The following APTX variants were observed in gnomAD, a reference collection of about 807,000 sequenced individuals.
The protein encoded by APTX is aprataxin.
A neutral mutation model predicts 42.3 loss-of-function variants in APTX; 33 were observed. The observed-to-expected ratio is 0.78, with a 90% CI of 0.59 to 1.04. The LOEUF is 1.04. APTX is among the 50% of genes least tolerant of loss of function. The pLI is 0.00. For missense variants in APTX, 421 were observed against 415.1 expected (o/e 1.01, Z -0.12); for synonymous variants, 130 against 146.7 (o/e 0.89, Z 0.82).
intron 1 of APTX, among the ~76,000 whole-genome samples, chr9:33,010,758 G>A (rs954370174): frequency 6.6e-6 from 1 of 151,774 alleles, no homozygotes; most frequent in African/African-American, 2.4e-5. Context: ...GGATCTTACA[G>A]TCTAAATGGG....
At chr9:32,981,098 G>C (rs1218125931) in intron 6 of APTX, among the ~76,000 whole-genome samples, 1 of 152,204 alleles carries the variant, frequency 6.6e-6, no homozygotes, top group African/African-American at 2.4e-5. Context: ...TTGGAGAACA[G>C]TGTTTTGACT....
chr9:32,974,174 T>G (rs1438581807), intron 7 of APTX, among the ~76,000 whole-genome samples: 1 of 152,168 alleles, frequency 6.6e-6, no homozygotes, highest in East Asian at 1.9e-4. Context: ...ATCCATGAAC[T>G]CCACTAATTC....
At chr9:33,000,942 G>A (rs1024408383) in intron 1 of APTX, among the ~76,000 whole-genome samples, 12 of 149,046 alleles carry the variant, frequency 8.1e-5, no homozygotes. Flanking sequence ...CCGCCTCCCG[G>A]GTTCAAGAAC....
At chr9:32,992,056 A>G (rs1294365852) in intron 1 of APTX, among the ~76,000 whole-genome samples, 1 of 152,150 alleles carries the variant, frequency 6.6e-6, no homozygotes, top group East Asian at 1.9e-4. Flanking sequence ...AGGCAAAGAG[A>G]GAGAGGATGA....
chr9:32,990,481 A>G (rs1018759070), intron 1 of APTX, among the ~76,000 whole-genome samples: 3 of 152,204 alleles, frequency 2.0e-5, no homozygotes, highest in African/African-American at 7.2e-5. Flanking sequence ...CCTGTTACAC[A>G]TGTATTGATA....
chr9:32,988,174 C>G (rs1832659410), intron 2 of APTX, 45 bp from the exon 3 acceptor site: 1 of 1,560,144 alleles, frequency 6.4e-7, no homozygotes. Flanking sequence ...AACAAAGAAC[C>G]AGGCACTTGC....
intron 1 of APTX, among the ~76,000 whole-genome samples, chr9:32,990,541 G>A (rs921311980): frequency 1.3e-5 from 2 of 152,178 alleles, no homozygotes; most frequent in African/African-American, 4.8e-5. Context: ...GAATAAAACA[G>A]GGACATTGTC....
intron 4 of APTX, among the ~76,000 whole-genome samples, chr9:32,987,130 C>T (rs112367282): frequency 3.3e-5 from 5 of 152,340 alleles, no homozygotes; most frequent in African/African-American, 9.6e-5. Flanking sequence ...CCTATATTCA[C>T]AGCTGGCTGT....
chr9:32,987,468 A>G (rs1419839544), intron 4 of APTX, 76 bp downstream of exon 4: 1 of 1,579,716 alleles, frequency 6.3e-7, no homozygotes, highest in Non-Finnish European at 8.6e-7. Flanking sequence ...TCTGAACTTT[A>G]AAGTGTACAA....
At chr9:32,985,326 G>GT (rs5897530) in intron 5 of APTX, among the ~76,000 whole-genome samples, 3,955 of 102,558 alleles carry the variant, frequency 0.039, 136 homozygotes, top group East Asian at 0.075. Flanking sequence ...GATGATGCCT[G>GT]TTTTTTTTTT....
At chr9:33,008,767 G>T (rs1837334454) in intron 1 of APTX, among the ~76,000 whole-genome samples, 1 of 152,148 alleles carries the variant, frequency 6.6e-6, no homozygotes, top group Middle Eastern at 3.2e-3. Flanking sequence ...GGCAAGGCTG[G>T]TATCGAACTC....
intron 1 of APTX, among the ~76,000 whole-genome samples, chr9:32,996,275 GCT>G (rs1834905882): frequency 2.4e-5 from 2 of 84,318 alleles, no homozygotes; most frequent in South Asian, 1.2e-3. Flanking sequence ...CAAATAAATC[GCT>G]CTTTTTTTTT....
intron 1 of APTX, among the ~76,000 whole-genome samples, chr9:33,017,525 C>T (rs569080191): frequency 6.6e-6 from 1 of 152,198 alleles, no homozygotes; most frequent in East Asian, 1.9e-4. Context: ...TTCCCAAAGG[C>T]CCCATCTCTG....
At chr9:33,011,003 C>T (rs977315035) in intron 1 of APTX, among the ~76,000 whole-genome samples, 5 of 151,708 alleles carry the variant, frequency 3.3e-5, no homozygotes, top group Non-Finnish European at 5.9e-5. Flanking sequence ...ATTAACAGAG[C>T]GTGGTGGTGC....
Position 32,987,781 on chromosome 9 carries a change from C to G in APTX, c.246G>C (p.Gln82His). 6.2e-7 allele frequency: 1 copy of G among 1,614,168 alleles called. No individual in the cohort carries two copies. The highest frequency in any genetic ancestry group is 8.5e-7 in the Non-Finnish European group (1 of 1,180,034). Reference sequence around the variant, plus strand: ...TCACCATGTGGAGAACCTGGCCAGGCTGCAGCTTCACCTCTTGGTCCTTCC... The same window carrying G: ...TCACCATGTGGAGAACCTGGCCAGGGTGCAGCTTCACCTCTTGGTCCTTCC... ...VIGKDQEVKL[Q>H]PGQVLHMVNE... The change falls in exon 4 of 8, where the codon CAG becomes CAC. Residue 82 changes from glutamine (Q) to histidine (H), a missense_variant. Transcript: ENST00000379817.
chr9:32,977,509 A>G (rs1829706252), intron 6 of APTX, among the ~76,000 whole-genome samples: 1 of 151,664 alleles, frequency 6.6e-6, no homozygotes, highest in African/African-American at 2.4e-5. Context: ...AAAACAAAAA[A>G]TGAATAAAAA....
At chr9:33,005,382 A>C (rs958265128), upstream of APTX, among the ~76,000 whole-genome samples, 2 of 151,980 alleles carry the variant, frequency 1.3e-5, no homozygotes, top group African/African-American at 4.8e-5. Flanking sequence ...TTTAGGTCTT[A>C]TGTTTAGGTC....
chr9:33,009,295 TCTAA>T (rs1208640673), intron 1 of APTX, among the ~76,000 whole-genome samples: 1 of 152,184 alleles, frequency 6.6e-6, no homozygotes, highest in Non-Finnish European at 1.5e-5. Context: ...AGGAATGCCT[TCTAA>T]CTTACTTAAC....
intron 3 of APTX, 91 bp downstream of exon 3, chr9:32,987,992 G>A: frequency 1.3e-6 from 2 of 1,522,518 alleles, no homozygotes; most frequent in Middle Eastern, 1.8e-4. Context: ...ATACATGACA[G>A]AGAAGCCTTC....
Sources: allele counts gnomAD v4.1 joint callset (sites outside exome capture counted in the v4.1 genomes callset), GRCh38; gene constraint gnomAD v4.1.1; transcripts MANE v1.5; gene names NCBI Gene and HGNC (gene_info 2026-07-23, HGNC 2026-07-21).